CDH18: variants seen among roughly 807,000 people sequenced by gnomAD.
CDH18 encodes cadherin-18.
A neutral mutation model predicts 67.9 loss-of-function variants in CDH18; 31 were observed. The observed-to-expected ratio is 0.46, with a 90% CI of 0.34 to 0.62. The LOEUF (loss-of-function observed/expected upper bound fraction) is 0.62. Among genes scored for constraint, CDH18 ranks in the 20% least tolerant of loss-of-function variants. CDH18 has a pLI of 0.01. For missense variants in CDH18, 890 were observed against 975.5 expected, an observed-to-expected ratio of 0.91 and a Z score of 1.17; for synonymous variants, 362 against 347.2, an observed-to-expected ratio of 1.04 and a Z score of -0.48.
chr5:19,826,284 C>T (rs1026894176), intron 3 of CDH18, among the ~76,000 whole-genome samples: 6 of 152,072 alleles, frequency 3.9e-5, no homozygotes, highest in Non-Finnish European at 5.9e-5. Flanking sequence ...GAAGAGAAAT[C>T]AAGCAACTTG....
intron 1 of CDH18, among the ~76,000 whole-genome samples, chr5:20,555,049 C>T (rs117841831): frequency 3.3e-5 from 5 of 152,206 alleles, no homozygotes; most frequent in South Asian, 4.1e-4. Flanking sequence ...TACATGTTGC[C>T]GTAACCCCCA....
chr5:20,056,680 C>CTTTTT lies in CDH18; in HGVS notation c.-517-64671_-517-64667dup, dbSNP rs397758122. On this transcript the variant is annotated intron_variant, in intron 2 of 14. Coordinates refer to the CDH18 transcript ENST00000507958. ...ATAGAGCAGTTGAGTTCTATATTCT[C>CTTTTT]TTTTTTTTTTTTTTTTTTTTTTTGA... is the stretch of plus-strand genomic sequence containing the variant. Among the ~76,000 whole-genome samples the CTTTTT allele has an allele frequency of 6.9e-3, 481 of 70,026 alleles. 41 individuals carry two copies. Among genetic ancestry groups the CTTTTT allele is most frequent in the Middle Eastern group, 0.024 (1 of 42 alleles). 45.9% of individuals were successfully genotyped at this position (70,026 alleles called of 152,430 possible). A position where few individuals can be genotyped will look rare whatever the true frequency, so the allele number is the denominator to read the frequency against.
At chr5:19,858,953 G>C (rs1054844777) in intron 2 of CDH18, among the ~76,000 whole-genome samples, 4 of 151,690 alleles carry the variant, frequency 2.6e-5, no homozygotes, top group African/African-American at 7.3e-5. Flanking sequence ...AATTTAAACT[G>C]AGCATGAAAA....
chr5:19,841,123 G>T (rs1227872118), intron 2 of CDH18, among the ~76,000 whole-genome samples: 1 of 152,256 alleles, frequency 6.6e-6, no homozygotes, highest in African/African-American at 2.4e-5. Context: ...TTAAATGAGG[G>T]TTAGTAATAG....
intron 4 of CDH18, among the ~76,000 whole-genome samples, chr5:19,738,017 A>AT (rs1351016506): frequency 6.6e-6 from 1 of 152,150 alleles, no homozygotes; most frequent in East Asian, 1.9e-4. Flanking sequence ...AAATCGATTC[A>AT]TGAATGGATA....
At chr5:20,115,562 T>A (rs1478784567) in intron 2 of CDH18, among the ~76,000 whole-genome samples, 3 of 151,838 alleles carry the variant, frequency 2.0e-5, no homozygotes, top group Admixed American at 6.6e-5. Context: ...CAGGTGGACC[T>A]CACTTAAACT....
intron 2 of CDH18, among the ~76,000 whole-genome samples, chr5:20,231,630 A>G (rs1234698105): frequency 7.3e-5 from 11 of 150,926 alleles, no homozygotes; most frequent in African/African-American, 9.7e-5. Flanking sequence ...AGAAAAGAAA[A>G]GAAAGGAAAA....
rs530007013 is a variant in CDH18, at chr5:19,683,339, A to G, written c.643+38008T>C. On this transcript the variant is annotated intron_variant, in intron 5 of 12. Transcript: ENST00000382275. ...TTTTCTAATATATGCTGTGTTTCTT[A>G]GACAGTTGATTACTATTGTCATCCA... Among the ~76,000 whole-genome samples the G allele has an allele frequency of 5.3e-5, 8 of 152,202 alleles. No individual in the cohort carries two copies. The East Asian group carries it at 1.6e-3, about 30-fold the overall frequency.
At position 19,612,731 on chromosome 5, in the gene CDH18, A is replaced by C. The variant is rs1749193554; in HGVS notation, c.644-130T>G. The C allele has an allele frequency of 5.9e-6, 4 of 682,708 alleles. No homozygotes were observed. In the South Asian group the frequency reaches 7.9e-5, roughly 13 times the overall value. The allele number at this position is 682,708 out of a possible 1,614,324, so 42.3% of individuals were successfully genotyped here. ...TTTGGGATAAAGTCACACGTCTGAG[A>C]AAAACAATATCTTACCAATGCATGA... On this transcript the variant is annotated intron_variant, in intron 5 of 12. Coordinates refer to ENST00000382275, the MANE Select transcript of CDH18 (RefSeq NM_004934.5).
At chr5:20,373,235 C>G (rs922753237) in intron 1 of CDH18, among the ~76,000 whole-genome samples, 1 of 152,172 alleles carries the variant, frequency 6.6e-6, no homozygotes, top group Non-Finnish European at 1.5e-5. Flanking sequence ...GCCTCTCAGA[C>G]TCTACATCAG....
chr5:19,673,994 A>C (rs1395409650), intron 5 of CDH18, among the ~76,000 whole-genome samples: 1 of 152,070 alleles, frequency 6.6e-6, no homozygotes, highest in Non-Finnish European at 1.5e-5. Context: ...AAACAAATCA[A>C]ATTTAACACA....
intron 5 of CDH18, among the ~76,000 whole-genome samples, chr5:19,631,216 C>T (rs1020623559): frequency 1.4e-4 from 21 of 151,852 alleles, no homozygotes; most frequent in Non-Finnish European, 2.5e-4. Context: ...CGATCATAAG[C>T]CTGAAATATT....
chr5:19,788,961 T>G (rs1207069058), intron 3 of CDH18, among the ~76,000 whole-genome samples: 1 of 152,292 alleles, frequency 6.6e-6, no homozygotes, highest in East Asian at 1.9e-4. Flanking sequence ...GGGGTGTCAG[T>G]AAATTTGCAT....
intron 2 of CDH18, among the ~76,000 whole-genome samples, chr5:20,065,894 A>G (rs1240681211): frequency 6.6e-6 from 1 of 152,044 alleles, no homozygotes; most frequent in African/African-American, 2.4e-5. Context: ...TCATAAAGGC[A>G]ATCCTCACAG....
chr5:20,140,372 C>T (rs561222004), intron 2 of CDH18, among the ~76,000 whole-genome samples: 88 of 151,974 alleles, frequency 5.8e-4, no homozygotes, highest in Middle Eastern at 3.4e-3. Flanking sequence ...ATGTAAATGA[C>T]GAGTTAATGG....
chr5:19,687,400 C>T (rs1366396270), intron 5 of CDH18, among the ~76,000 whole-genome samples: 3 of 152,230 alleles, frequency 2.0e-5, no homozygotes, highest in African/African-American at 4.8e-5. Flanking sequence ...ACTTGTCTTA[C>T]ATTCACACAG....
intron 2 of CDH18, among the ~76,000 whole-genome samples, chr5:19,907,456 A>G (rs1561539325): frequency 6.6e-6 from 1 of 152,152 alleles, no homozygotes; most frequent in African/African-American, 2.4e-5. Flanking sequence ...AATTTAATAC[A>G]ACATTGGTAA....
intron 2 of CDH18, among the ~76,000 whole-genome samples, chr5:19,864,969 G>T (rs375933846): frequency 6.6e-6 from 1 of 152,156 alleles, no homozygotes; most frequent in African/African-American, 2.4e-5. Context: ...TCCCTGGACA[G>T]ACAAGTCTGA....
At chr5:20,370,569 T>G (rs1191027256) in intron 1 of CDH18, among the ~76,000 whole-genome samples, 1 of 152,178 alleles carries the variant, frequency 6.6e-6, no homozygotes, top group Non-Finnish European at 1.5e-5. Context: ...GGTGCTGCCC[T>G]ATATTGAGTA....
Sources: gnomAD v4.1 joint callset for allele counts (sites outside exome capture counted in the v4.1 genomes callset) on GRCh38, gnomAD v4.1.1 for gene constraint, MANE v1.5 for transcripts, NCBI Gene and HGNC (gene_info 2026-07-23, HGNC 2026-07-21) for gene names.